DLG1: variants seen among roughly 807,000 people sequenced by gnomAD.
DLG1 encodes the protein discs large MAGUK scaffold protein 1.
Under a neutral mutation model 123.4 loss-of-function variants are expected in DLG1, and 42 were observed. The observed-to-expected ratio is 0.34, with a 90% CI of 0.27 to 0.44. The LOEUF (loss-of-function observed/expected upper bound fraction) is 0.44. DLG1 is among the 20% of genes least tolerant of loss of function. The probability of loss-of-function intolerance (pLI) is 1.00; values close to 1 mark genes in which losing one functional copy is unlikely to be tolerated. For synonymous variants in DLG1, 317 were observed against 356.2 expected, an observed-to-expected ratio of 0.89 and a Z score of 1.24; for missense variants, 942 against 1,082.6, an observed-to-expected ratio of 0.87 and a Z score of 1.82.
upstream of DLG1, chr3:197,298,862 A>G (rs868698919): frequency 5.9e-6 from 2 of 341,378 alleles, no homozygotes; most frequent in South Asian, 1.5e-4. Context: ...TTTGAGGGTT[A>G]TAGTACAAGA....
chr3:197,229,057 GAA>G (rs1160730091), intron 4 of DLG1, among the ~76,000 whole-genome samples: 2 of 152,146 alleles, frequency 1.3e-5, no homozygotes, highest in Non-Finnish European at 2.9e-5. Context: ...CCCAATCGAG[GAA>G]AAGAGTCTAC....
intron 5 of DLG1, 32 bp from the exon 6 acceptor site, chr3:197,149,828 G>A: frequency 7.5e-7 from 1 of 1,326,064 alleles, no homozygotes; most frequent in African/African-American, 1.5e-5. Context: ...GTGTTAACAA[G>A]AAAATAAAAC....
intron 14 of DLG1, among the ~76,000 whole-genome samples, chr3:197,091,250 A>G (rs1357209717): frequency 6.6e-5 from 10 of 152,172 alleles, no homozygotes; most frequent in African/African-American, 2.4e-4. Flanking sequence ...ATTTTTCTAC[A>G]TGCTCTTTTA....
intron 16 of DLG1, among the ~76,000 whole-genome samples, chr3:197,081,637 T>G (rs1541766): frequency 1.3e-5 from 2 of 152,210 alleles, no homozygotes; most frequent in Non-Finnish European, 2.9e-5. Context: ...AAGCCTAATT[T>G]TAATGATATA....
intron 11 of DLG1, among the ~76,000 whole-genome samples, chr3:197,123,646 T>C (rs1028499163): frequency 7.9e-5 from 12 of 152,314 alleles, no homozygotes; most frequent in African/African-American, 2.9e-4. Flanking sequence ...ACTGGGGTCT[T>C]AATTGCCTCC....
chr3:197,148,878 T>C (rs2149745386), intron 6 of DLG1, among the ~76,000 whole-genome samples: 1 of 152,306 alleles, frequency 6.6e-6, no homozygotes, highest in South Asian at 2.1e-4. Context: ...TTTATCCACT[T>C]AAACTTCAAC....
chr3:197,067,218 CTTAAAA>C (rs1299561913), intron 19 of DLG1, among the ~76,000 whole-genome samples: 2 of 151,860 alleles, frequency 1.3e-5, no homozygotes, highest in African/African-American at 4.8e-5. Flanking sequence ...ATAATTACAT[CTTAAAA>C]TTAAAAATTA....
chr3:197,095,802 G>C (rs541802765), intron 14 of DLG1, among the ~76,000 whole-genome samples: 2 of 152,112 alleles, frequency 1.3e-5, no homozygotes, highest in African/African-American at 4.8e-5. Flanking sequence ...TATTCAGTGG[G>C]TTATAATCTG....
At chr3:197,254,467 C>T (rs942079183) in intron 4 of DLG1, among the ~76,000 whole-genome samples, 2 of 152,136 alleles carry the variant, frequency 1.3e-5, no homozygotes, top group African/African-American at 4.8e-5. Flanking sequence ...AACACTGCTT[C>T]GCTTTCAATG....
At chr3:197,102,043 C>T (rs1052548952) in intron 14 of DLG1, among the ~76,000 whole-genome samples, 4 of 152,206 alleles carry the variant, frequency 2.6e-5, no homozygotes, top group African/African-American at 9.7e-5. Context: ...AGGCCTGAGC[C>T]ACCACGTCCA....
chr3:197,220,468 G>C (rs1428605412), intron 4 of DLG1, among the ~76,000 whole-genome samples: 7 of 151,962 alleles, frequency 4.6e-5, no homozygotes, highest in Admixed American at 2.0e-4. Flanking sequence ...CAAAGAAAAG[G>C]CTAATAATAT....
At chr3:197,166,954 G>A (rs181451904) in intron 5 of DLG1, among the ~76,000 whole-genome samples, 1 of 151,956 alleles carries the variant, frequency 6.6e-6, no homozygotes, top group Non-Finnish European at 1.5e-5. Context: ...TTGAAGAAAT[G>A]GCTGACTCCA....
chr3:197,153,472 G>A (rs1577162516), intron 5 of DLG1, among the ~76,000 whole-genome samples: 1 of 152,130 alleles, frequency 6.6e-6, no homozygotes, highest in Admixed American at 6.5e-5. Context: ...CACAAGCCAC[G>A]GTGGGCAGAG....
At chr3:197,294,217 CT>C (rs1283164737) in intron 3 of DLG1, among the ~76,000 whole-genome samples, 2 of 152,104 alleles carry the variant, frequency 1.3e-5, no homozygotes, top group Non-Finnish European at 2.9e-5. Context: ...CTCCTAAAAT[CT>C]ATTACTTGTC....
chr3:197,250,354 G>C (rs1753765458), intron 4 of DLG1, among the ~76,000 whole-genome samples: 1 of 152,116 alleles, frequency 6.6e-6, no homozygotes, highest in South Asian at 2.1e-4. Context: ...TGAATCACGA[G>C]GTCAGGAGTT....
chr3:197,082,486 C>T (rs1751771786), intron 16 of DLG1, among the ~76,000 whole-genome samples: 1 of 152,148 alleles, frequency 6.6e-6, no homozygotes, highest in Non-Finnish European at 1.5e-5. Flanking sequence ...AACAGCACCA[C>T]AAAACTAGCA....
At chr3:197,096,953 C>T (rs889126241) in intron 14 of DLG1, among the ~76,000 whole-genome samples, 15 of 152,132 alleles carry the variant, frequency 9.9e-5, no homozygotes, top group East Asian at 5.8e-4. Flanking sequence ...ATAGGAGTTA[C>T]GAGTCAAGAT....
chr3:197,194,986 T>G (rs1197589325), intron 4 of DLG1, among the ~76,000 whole-genome samples: 1 of 152,116 alleles, frequency 6.6e-6, no homozygotes, highest in Non-Finnish European at 1.5e-5. Context: ...CATTTTAATT[T>G]CTACCTGAAA....
At chr3:197,185,145 A>G (rs1231122904) in intron 5 of DLG1, among the ~76,000 whole-genome samples, 1 of 152,206 alleles carries the variant, frequency 6.6e-6, no homozygotes, top group Non-Finnish European at 1.5e-5. Flanking sequence ...CTATTGGTTG[A>G]ATAATCTAAT....
Sources: allele counts gnomAD v4.1 joint callset (sites outside exome capture counted in the v4.1 genomes callset), GRCh38; gene constraint gnomAD v4.1.1; transcripts MANE v1.5; gene names NCBI Gene and HGNC (gene_info 2026-07-23, HGNC 2026-07-21).